The following TRPM8 variants were observed in gnomAD, a reference collection of about 807,000 sequenced individuals.
TRPM8 encodes the protein transient receptor potential cation channel subfamily M member 8.
TRPM8 carries 110 observed loss-of-function variants against 133.7 expected under a neutral mutation model. The observed-to-expected ratio is 0.82, with a 90% CI of 0.70 to 0.96. TRPM8 has a LOEUF of 0.96. TRPM8 is among the 40% of genes least tolerant of loss of function. TRPM8 has a pLI of 0.00. For synonymous variants in TRPM8, 535 were observed against 532.3 expected, an observed-to-expected ratio of 1.01 and a Z score of -0.07; for missense variants, 1,291 against 1,379.5, an observed-to-expected ratio of 0.94 and a Z score of 1.02.
At chr2:233,984,086 G>T (rs1692081378) in intron 20 of TRPM8, among the ~76,000 whole-genome samples, 1 of 152,112 alleles carries the variant, frequency 6.6e-6, no homozygotes, top group African/African-American at 2.4e-5. Flanking sequence ...AACCCTCCAC[G>T]TCCGTCATTT....
At chr2:233,996,979 G>A (rs2125353149) in intron 22 of TRPM8, among the ~76,000 whole-genome samples, 1 of 152,266 alleles carries the variant, frequency 6.6e-6, no homozygotes, top group East Asian at 1.9e-4. Context: ...AAATAGGAAT[G>A]TGTGGCCAGG....
In TRPM8 at chr2:234,017,569, T is replaced by C; in HGVS notation, c.*313T>C. 6.6e-6 allele frequency: 2 copies of C among 303,016 alleles called. No homozygotes were observed. Among genetic ancestry groups the C allele is most frequent in the South Asian group, 5.9e-5 (2 of 33,832 alleles). The allele number at this position is 303,016 out of a possible 1,614,324, so 18.8% of individuals were successfully genotyped here. ...TAAGTGTGTTCTTACCGCCTCCTTT[T>C]TCCTTTAATCTTATTTTTGATGAAC... On this transcript the variant is annotated 3_prime_UTR_variant, in exon 26 of 26. Coordinates refer to ENST00000324695, the MANE Select transcript of TRPM8 (RefSeq NM_024080.5).
intron 22 of TRPM8, among the ~76,000 whole-genome samples, chr2:234,004,096 G>A (rs1393024951): frequency 6.6e-6 from 1 of 152,206 alleles, no homozygotes; most frequent in Non-Finnish European, 1.5e-5. Context: ...CACCAGATAA[G>A]TCAGACATGA....
At chr2:233,982,392 A>G (rs189883263) in intron 19 of TRPM8, among the ~76,000 whole-genome samples, 29 of 152,338 alleles carry the variant, frequency 1.9e-4, no homozygotes, top group African/African-American at 6.5e-4. Flanking sequence ...CGCAATAGAA[A>G]GAATTACACA....
At position 234,018,507 on chromosome 2, in the gene TRPM8, T is replaced by C. The variant is rs2125428827; in HGVS notation, c.*1251T>C. On this transcript the variant is annotated 3_prime_UTR_variant, in exon 26 of 26. Transcript: ENST00000324695. ...TGTATAGCAAATAGGAATTATTAAC[T>C]TGAGCATAAGATATGAGATACATGA... 1 of 152,112 alleles carries C rather than the reference T, an allele frequency of 6.6e-6. No individual in the cohort carries two copies. Among genetic ancestry groups the C allele is most frequent in the African/African-American group, 2.4e-5 (1 of 41,560 alleles). The allele number at this position is 152,112 out of a possible 1,614,324, so 9.4% of individuals were successfully genotyped here.
chr2:233,923,091 G>A (rs1055521125), intron 1 of TRPM8, among the ~76,000 whole-genome samples: 1 of 151,966 alleles, frequency 6.6e-6, no homozygotes, highest in Non-Finnish European at 1.5e-5. Flanking sequence ...GGATGGTCTC[G>A]ATCTCCTGGC....
At chr2:233,994,117 A>G (rs767641426) in intron 21 of TRPM8, among the ~76,000 whole-genome samples, 39 of 152,220 alleles carry the variant, frequency 2.6e-4, no homozygotes, top group Non-Finnish European at 5.1e-4. Context: ...GAATGGTAAT[A>G]GTTGTTCTGG....
rs369299447 is a variant in TRPM8 at position 233,980,056 on chromosome 2, A to T, written c.2356-132A>T. On this transcript the variant is annotated intron_variant, in intron 17 of 25. Transcript: ENST00000324695. The stretch of plus-strand genomic sequence containing the variant: ...GGGCACGTGGTAGGGCTCACTTGGC[A>T]TATGAAAGAATAAACAAACACGTCA... The T allele has an allele frequency of 8.7e-6, 6 of 689,776 alleles. No individual in the cohort carries two copies. The South Asian group carries it at 8.8e-5, about 10-fold the overall frequency. 42.7% of individuals were successfully genotyped at this position (689,776 alleles called of 1,614,324 possible). A position where few individuals can be genotyped will look rare whatever the true frequency, so the allele number is the denominator to read the frequency against.
At chr2:233,976,283 T>C (rs1340110519) in intron 17 of TRPM8, among the ~76,000 whole-genome samples, 1 of 152,112 alleles carries the variant, frequency 6.6e-6, no homozygotes, top group Non-Finnish European at 1.5e-5. Context: ...AACAGTAAAA[T>C]CCGAAGTCTG....
intron 11 of TRPM8, 140 bp downstream of exon 11, chr2:233,955,390 G>A: frequency 1.6e-6 from 1 of 629,764 alleles, no homozygotes. Flanking sequence ...GGATTGCTGA[G>A]GCTTAATTTC....
chr2:234,009,949 A>G (rs1490595539), intron 24 of TRPM8, among the ~76,000 whole-genome samples: 1 of 152,188 alleles, frequency 6.6e-6, no homozygotes, highest in African/African-American at 2.4e-5. Context: ...TTACTTCTAC[A>G]TATTTACCAT....
rs1182924334 is a variant in TRPM8 at position 234,008,176 on chromosome 2, C to T, written c.3264+73C>T. 16 of 1,428,692 alleles carry T rather than the reference C, an allele frequency of 1.1e-5. No individual in the cohort carries two copies. In the African/African-American group the frequency reaches 1.9e-4, roughly 17 times the overall value. The allele number at this position is 1,428,692 out of a possible 1,614,324, so 88.5% of individuals were successfully genotyped here. ...ATACTTTGAGCTTTCAGCTAGAGGCCAGTAGTTGTGATAATAAAAGAAGTT... is the reference window on the plus strand; with the variant it reads ...ATACTTTGAGCTTTCAGCTAGAGGCTAGTAGTTGTGATAATAAAAGAAGTT... On this transcript the variant is annotated intron_variant, in intron 24 of 25. Coordinates refer to ENST00000324695, the MANE Select transcript of TRPM8 (RefSeq NM_024080.5).
At chr2:233,970,164 C>T (rs753022206) in intron 16 of TRPM8, 46 bp from the exon 17 acceptor site, 1 of 1,549,122 alleles carries the variant, frequency 6.5e-7, no homozygotes, top group Non-Finnish European at 8.9e-7. Flanking sequence ...CTGTGCCCGT[C>T]CCATGCTTGC....
At position 233,954,144 on chromosome 2, in the gene TRPM8, C is replaced by T. The variant is rs981496997; in HGVS notation, c.1243+125C>T. ...AAGCTTGTACTTAATTTTGATGATC[C>T]TAGATTGGAAGCTAGAATAACTACG... is the stretch of plus-strand genomic sequence containing the variant. On this transcript the variant is annotated intron_variant, in intron 10 of 25. Transcript: ENST00000324695. 7.4e-5 allele frequency: 44 copies of T among 598,456 alleles called. No homozygotes were observed. The African/African-American group carries it at 8.0e-4, about 11-fold the overall frequency. 37.1% of individuals were successfully genotyped at this position (598,456 alleles called of 1,614,324 possible).
chr2:233,921,499 C>G (rs1487993446), intron 1 of TRPM8, among the ~76,000 whole-genome samples: 1 of 152,060 alleles, frequency 6.6e-6, no homozygotes, highest in Admixed American at 6.6e-5. Context: ...TATTCAAGTG[C>G]AAAGATGAGG....
intron 3 of TRPM8, among the ~76,000 whole-genome samples, chr2:233,935,518 T>C (rs1690708318): frequency 6.6e-6 from 1 of 152,226 alleles, no homozygotes; most frequent in Non-Finnish European, 1.5e-5. Flanking sequence ...ACCAGGACTT[T>C]GGCAACAGGT....
At chr2:234,006,824 T>A in intron 22 of TRPM8, 29 bp from the exon 23 acceptor site, 1 of 1,541,654 alleles carries the variant, frequency 6.5e-7, no homozygotes, top group East Asian at 2.3e-5. Context: ...TGAAACAATT[T>A]GAATGTTTTC....
intron 22 of TRPM8, 27 bp downstream of exon 22, chr2:233,996,543 G>C: frequency 6.2e-7 from 1 of 1,606,388 alleles, no homozygotes; most frequent in East Asian, 2.2e-5. Context: ...TGTGTACTTG[G>C]GATCAGAAGC....
In TRPM8 at chr2:233,939,662, T is replaced by C. The variant is rs12478399; in HGVS notation, c.526+487T>C. ...ACTTAGCATTTTCTTTTCAACTTTATATTTTAAAAAATTTTGAATCTACAA... is the reference window on the plus strand; with the variant it reads ...ACTTAGCATTTTCTTTTCAACTTTACATTTTAAAAAATTTTGAATCTACAA... On this transcript the variant is annotated intron_variant, in intron 5 of 25. Coordinates refer to ENST00000324695, the MANE Select transcript of TRPM8 (RefSeq NM_024080.5). Among the ~76,000 whole-genome samples, 970 of 152,382 alleles carry C rather than the reference T, an allele frequency of 6.4e-3. 35 individuals carry two copies. The highest frequency in any genetic ancestry group is 0.047 in the Admixed American group (714 of 15,308).
Sources: gnomAD v4.1 joint callset for allele counts (sites outside exome capture counted in the v4.1 genomes callset) on GRCh38, gnomAD v4.1.1 for gene constraint, MANE v1.5 for transcripts, NCBI Gene and HGNC (gene_info 2026-07-23, HGNC 2026-07-21) for gene names.